The following RAB3IP variants were observed in gnomAD, a reference collection of about 807,000 sequenced individuals.
RAB3IP encodes RAB3A interacting protein.
A neutral mutation model predicts 59.1 loss-of-function variants in RAB3IP; 36 were observed. The observed-to-expected ratio is 0.61, with a 90% confidence interval of 0.47 to 0.80. RAB3IP has a LOEUF of 0.80. RAB3IP is among the 30% of genes least tolerant of loss of function. The pLI is 0.00. For synonymous variants in RAB3IP, 207 were observed against 191.2 expected (o/e 1.08, Z -0.68); for missense variants, 511 against 536.0 (o/e 0.95, Z 0.46).
intron 4 of RAB3IP, among the ~76,000 whole-genome samples, chr12:69,791,099 T>G (rs1172116605): frequency 6.6e-6 from 1 of 152,100 alleles, no homozygotes; most frequent in African/African-American, 2.4e-5. Context: ...GAGTAGATAG[T>G]CTTATCAATA....
chr12:69,800,592 A>G (rs1878222748), intron 7 of RAB3IP, among the ~76,000 whole-genome samples: 1 of 152,118 alleles, frequency 6.6e-6, no homozygotes, highest in South Asian at 2.1e-4. Context: ...TTAAATAGGT[A>G]TGGGGGATAG....
At chr12:69,764,415 C>CT (rs1340239720) in intron 3 of RAB3IP, among the ~76,000 whole-genome samples, 1 of 152,098 alleles carries the variant, frequency 6.6e-6, no homozygotes, top group Non-Finnish European at 1.5e-5. Context: ...TTCCTCATTG[C>CT]TTATTTTTGT....
chr12:69,756,726 G>T (rs912091189), intron 3 of RAB3IP, 63 bp downstream of exon 3: 1 of 1,357,672 alleles, frequency 7.4e-7, no homozygotes, highest in African/African-American at 1.5e-5. Flanking sequence ...TCTCCATGGG[G>T]TGGGGCAACC....
At chr12:69,787,424 C>T (rs1001652472) in intron 4 of RAB3IP, among the ~76,000 whole-genome samples, 2 of 152,000 alleles carry the variant, frequency 1.3e-5, no homozygotes, top group South Asian at 2.1e-4. Context: ...CTAGTTTTCT[C>T]CCAACAATAC....
chr12:69,798,705 G>C (rs957250298), intron 6 of RAB3IP, among the ~76,000 whole-genome samples: 1 of 152,134 alleles, frequency 6.6e-6, no homozygotes. Flanking sequence ...TTTTGTATAA[G>C]GTATAAGGAA....
chr12:69,754,055 G>T (rs2136122742), intron 1 of RAB3IP, among the ~76,000 whole-genome samples: 1 of 152,176 alleles, frequency 6.6e-6, no homozygotes, highest in Middle Eastern at 3.4e-3. Flanking sequence ...TACATGGATT[G>T]TCTCCTTCAA....
rs746838030 is a variant in RAB3IP at position 69,756,664 on chromosome 12, G to C, written c.510+1G>C. 6.2e-7 allele frequency: 1 copy of C among 1,608,058 alleles called. No individual in the cohort carries two copies. Among genetic ancestry groups the C allele is most frequent in the Non-Finnish European group, 8.5e-7 (1 of 1,177,730 alleles). ...AGAAGAACTCGCAAAAGCTCAGAGG[G>C]TAAGAAAGAAGATATTTTATTCTTC... On this transcript the variant is annotated splice_donor_variant, in intron 3 of 10. Transcript: ENST00000247833. LOFTEE classifies it high-confidence loss of function.
In RAB3IP at chr12:69,794,383, T is replaced by G. The variant is rs1450086415; in HGVS notation, c.607-54T>G. 2.0e-6 allele frequency: 3 copies of G among 1,485,238 alleles called. No individual in the cohort carries two copies. The African/African-American group carries it at 4.2e-5, about 21-fold the overall frequency. The allele number at this position is 1,485,238 out of a possible 1,614,324, so 92.0% of individuals were successfully genotyped here. A position where few individuals can be genotyped will look rare whatever the true frequency, so the allele number is the denominator to read the frequency against. ...CAATTGTAAACATTTGGCAAGAACT[T>G]TTTGAAAACAAATGCTACTTTGTTT... On this transcript the variant is annotated intron_variant, in intron 4 of 10. Coordinates refer to ENST00000247833, the MANE Select transcript of RAB3IP (RefSeq NM_022456.5).
chr12:69,765,073 A>G (rs1407230397), intron 3 of RAB3IP, among the ~76,000 whole-genome samples: 1 of 152,224 alleles, frequency 6.6e-6, no homozygotes, highest in African/African-American at 2.4e-5. Context: ...GTATAAAATC[A>G]TATAGTCTGT....
At chr12:69,743,994 A>T (rs1307958045) in intron 1 of RAB3IP, among the ~76,000 whole-genome samples, 1 of 152,176 alleles carries the variant, frequency 6.6e-6, no homozygotes, top group Non-Finnish European at 1.5e-5. Flanking sequence ...GATTTTTTTA[A>T]AAAATTATAC....
chr12:69,745,430 GT>G (rs35316828), intron 1 of RAB3IP, among the ~76,000 whole-genome samples: 31,736 of 146,538 alleles, frequency 0.22, 4,019 homozygotes, highest in Middle Eastern at 0.36. Flanking sequence ...TTTATGTGCT[GT>G]TTTTTTTTTT....
rs917413028 is a variant in RAB3IP, at chr12:69,821,115, C to G, written c.*5669C>G. 2 of 152,208 alleles carry G rather than the reference C, an allele frequency of 1.3e-5. No individual in the cohort carries two copies. The highest frequency in any genetic ancestry group is 2.9e-5 in the Non-Finnish European group (2 of 68,076). The allele number at this position is 152,208 out of a possible 1,614,324, so 9.4% of individuals were successfully genotyped here. A position where few individuals can be genotyped will look rare whatever the true frequency, so the allele number is the denominator to read the frequency against. On this transcript the variant is annotated 3_prime_UTR_variant, in exon 11 of 11. Coordinates refer to ENST00000247833, the MANE Select transcript of RAB3IP (RefSeq NM_022456.5). ...CGTCTGAGGTCATGAGGACTAGATT[C>G]TAGAGCTACAGGTCTCAGGGACAGT...
At chr12:69,740,036 C>G (rs1887154819) in intron 1 of RAB3IP, among the ~76,000 whole-genome samples, 2 of 152,096 alleles carry the variant, frequency 1.3e-5, no homozygotes. Flanking sequence ...TAATCTCTTG[C>G]AGTGGAATGA....
rs1027131547 is a variant in RAB3IP at position 69,819,162 on chromosome 12, A to G, written c.*3716A>G. On this transcript the variant is annotated 3_prime_UTR_variant, in exon 11 of 11. Transcript: ENST00000247833. ...ATGGAACATCGGTGGTGTATTATGAATCAAGCATTATTACTAGCTCAGTTA... is the reference window on the plus strand; with the variant it reads ...ATGGAACATCGGTGGTGTATTATGAGTCAAGCATTATTACTAGCTCAGTTA... 2 of 152,240 alleles carry G rather than the reference A, an allele frequency of 1.3e-5. No individual in the cohort carries two copies. Among genetic ancestry groups the G allele is most frequent in the African/African-American group, 4.8e-5 (2 of 41,462 alleles). The allele number at this position is 152,240 out of a possible 1,614,324, so 9.4% of individuals were successfully genotyped here. A position where few individuals can be genotyped will look rare whatever the true frequency, so the allele number is the denominator to read the frequency against.
rs766439538 is a variant in RAB3IP at position 69,794,422 on chromosome 12, TG to T, written c.607-14del. On this transcript the variant is annotated splice_polypyrimidine_tract_variant and intron_variant, in intron 4 of 10. Coordinates refer to ENST00000247833, the MANE Select transcript of RAB3IP (RefSeq NM_022456.5). ...GCTACTTTGTTTCTAAAATTTGAGATGTTAACTTTTTCAGGAAGCTCATAAA... is the reference window on the plus strand; with the variant it reads ...GCTACTTTGTTTCTAAAATTTGAGATTTAACTTTTTCAGGAAGCTCATAAA... 1 of 1,597,240 alleles carries T rather than the reference TG, an allele frequency of 6.3e-7. No homozygotes were observed. The highest frequency in any genetic ancestry group is 1.3e-5 in the African/African-American group (1 of 74,490).
intron 4 of RAB3IP, among the ~76,000 whole-genome samples, chr12:69,785,977 G>A (rs1302756610): frequency 1.3e-5 from 2 of 152,060 alleles, no homozygotes; most frequent in Non-Finnish European, 2.9e-5. Context: ...CAAAAACATT[G>A]ATGTGTTACT....
At chr12:69,806,596 A>C (rs555907271) in intron 8 of RAB3IP, among the ~76,000 whole-genome samples, 15 of 56,658 alleles carry the variant, frequency 2.6e-4, no homozygotes, top group Middle Eastern at 0.019. Flanking sequence ...TTTTTTTAGT[A>C]TTTATTGATC....
At chr12:69,768,404 C>T (rs887642453) in intron 3 of RAB3IP, among the ~76,000 whole-genome samples, 1 of 152,176 alleles carries the variant, frequency 6.6e-6, no homozygotes, top group African/African-American at 2.4e-5. Context: ...GTGGTGCAGG[C>T]TGCTGGTCAA....
intron 1 of RAB3IP, among the ~76,000 whole-genome samples, chr12:69,740,264 C>A (rs982803495): frequency 6.6e-6 from 1 of 151,976 alleles, no homozygotes; most frequent in African/African-American, 2.4e-5. Context: ...TTAAATATTT[C>A]ACCAGTTTTA....
Sources: allele counts gnomAD v4.1 joint callset (sites outside exome capture counted in the v4.1 genomes callset), GRCh38; gene constraint gnomAD v4.1.1; transcripts MANE v1.5; gene names NCBI Gene and HGNC (gene_info 2026-07-23, HGNC 2026-07-21).